MYBPC3: variants seen among roughly 807,000 people sequenced by gnomAD.
The protein encoded by MYBPC3 is myosin-binding protein C, cardiac-type.
A neutral mutation model predicts 159.3 loss-of-function variants in MYBPC3; 108 were observed. The observed-to-expected ratio is 0.68, with a 90% confidence interval of 0.58 to 0.80. The LOEUF (loss-of-function observed/expected upper bound fraction) is 0.80, where lower values mean the gene tolerates loss of function less well. MYBPC3 is among the 30% of genes least tolerant of loss of function. The pLI is 0.00. For missense variants in MYBPC3, 1,631 were observed against 1,762.1 expected (o/e 0.93, Z 1.33); for synonymous variants, 730 against 702.0 (o/e 1.04, Z -0.63).
At position 47,342,910 on chromosome 11, in the gene MYBPC3, G is replaced by A; in HGVS notation, c.1377C>T (p.Pro459=). The change falls in exon 16 of 35, where the codon CCC becomes CCT. Residue 459 remains proline (P), a synonymous_variant. Transcript: ENST00000545968. ...CCACCATCACCAGCTGGTCCTCCAAGGGGCGCGTGATGAGCACAGGGGGCT... is the reference window on the plus strand; with the variant it reads ...CCACCATCACCAGCTGGTCCTCCAAAGGGCGCGTGATGAGCACAGGGGGCT... ...VKEPPVLITR[P]LEDQLVMVGQ... The A allele has an allele frequency of 6.2e-7, 1 of 1,612,478 alleles. No individual in the cohort carries two copies. Among genetic ancestry groups the A allele is most frequent in the Non-Finnish European group, 8.5e-7 (1 of 1,179,212 alleles).
At chr11:47,340,766 C>T (rs986627626) in intron 20 of MYBPC3, among the ~76,000 whole-genome samples, 1 of 152,184 alleles carries the variant, frequency 6.6e-6, no homozygotes, top group African/African-American at 2.4e-5. Context: ...ATCATGTCAC[C>T]TCATCTTTAT....
chr11:47,350,000 C>T lies in MYBPC3; in HGVS notation c.505+14G>A. ...CTTCCCACCCCAATGCTGGGCACAG[C>T]AGCTCACACTCACCCACGGTCACCT... On this transcript the variant is annotated intron_variant, in intron 4 of 34. Coordinates refer to ENST00000545968, the MANE Select transcript of MYBPC3 (RefSeq NM_000256.3). 2 of 1,560,126 alleles carry T rather than the reference C, an allele frequency of 1.3e-6. No homozygotes were observed. The highest frequency in any genetic ancestry group is 1.7e-6 in the Non-Finnish European group (2 of 1,152,210).
Position 47,350,531 on chromosome 11 carries a change from T to C in MYBPC3, c.377A>G (p.Glu126Gly). Residue 126 changes from glutamate (E) to glycine (G), a missense_variant, in exon 3 of 35, where the codon GAG becomes GGG. Coordinates refer to ENST00000545968, the MANE Select transcript of MYBPC3 (RefSeq NM_000256.3). ...GGGACTTGGGGCACTTTCTCCCAGC[T>C]CAGCGGCTGGGGCCGGGGCTTCTCC... is the stretch of plus-strand genomic sequence containing the variant. Reference protein sequence around the residue: ...APGEAPAPAAELGESAPSPKG... With the variant: ...APGEAPAPAAGLGESAPSPKG... The C allele has an allele frequency of 1.3e-6, 2 of 1,557,698 alleles. No individual in the cohort carries two copies. The highest frequency in any genetic ancestry group is 1.7e-6 in the Non-Finnish European group (2 of 1,156,898).
At position 47,349,784 on chromosome 11, in the gene MYBPC3, C is replaced by T. The variant is rs775580020; in HGVS notation, c.644G>A (p.Arg215His). ...QHLQLHDSYD[R>H]ASKVYLFELH... Reference sequence around the variant, plus strand: ...CCCCGGTGGACCCACCTTGCTGGCGCGGTCGTAGCTGTCGTGCAGCTGCAG... The same window carrying T: ...CCCCGGTGGACCCACCTTGCTGGCGTGGTCGTAGCTGTCGTGCAGCTGCAG... The change falls in exon 5 of 35, where the codon CGC becomes CAC. Residue 215 changes from arginine (R) to histidine (H), a missense_variant. Arg to His is a conservative substitution (Grantham distance 29). Transcript: ENST00000545968. 12 of 1,605,696 alleles carry T rather than the reference C, an allele frequency of 7.5e-6. No homozygotes were observed. The highest frequency in any genetic ancestry group is 4.4e-5 in the South Asian group (4 of 90,784).
intron 5 of MYBPC3, among the ~76,000 whole-genome samples, chr11:47,349,490 C>G (rs531479936): frequency 1.3e-5 from 2 of 151,990 alleles, no homozygotes; most frequent in East Asian, 3.9e-4. Flanking sequence ...GACCCCCCAC[C>G]CCCGGCCAAA....
Position 47,339,766 on chromosome 11 carries a change from C to A in MYBPC3, c.1952G>T (p.Cys651Phe), listed in dbSNP as rs1447420679. Residue 651 changes from cysteine to phenylalanine, a missense_variant, in exon 21 of 35, where the codon TGC (cysteine) becomes TTC (phenylalanine). By Grantham distance (205) the Cys-to-Phe change is radical (BLOSUM62 -2). Coordinates refer to ENST00000545968, the MANE Select transcript of MYBPC3 (RefSeq NM_000256.3). ...RQEPPKIHLD[C>F]PGRIPDTIVV... ...AATGGTGTCTGGTATGCGGCCTGGG[C>A]AGTCCAGGTGGATCTTGGGAGGTTC... 1 of 1,613,858 alleles carries A rather than the reference C, an allele frequency of 6.2e-7. No individual in the cohort carries two copies. The highest frequency in any genetic ancestry group is 8.5e-7 in the Non-Finnish European group (1 of 1,179,766).
chr11:47,333,518 A>G (rs1459397372), intron 29 of MYBPC3, 39 bp downstream of exon 29: 7 of 1,597,576 alleles, frequency 4.4e-6, no homozygotes, highest in Non-Finnish European at 5.9e-6. Flanking sequence ...AGCCCAGGGA[A>G]GGGAAACAAG....
rs780085082 is a variant in MYBPC3, at chr11:47,348,450, C to A, written c.746G>T (p.Cys249Phe). ...GTGGACAGTGAGATTGAAGTTGGAG[C>A]AGTCAAATTTGTCCTTGGTGGACAC... ...CEVSTKDKFD[C>F]SNFNLTVHEA... Residue 249 changes from cysteine to phenylalanine, a missense_variant, in exon 6 of 35, where the codon TGC (cysteine) becomes TTC (phenylalanine). Transcript: ENST00000545968. 1 of 1,612,936 alleles carries A rather than the reference C, an allele frequency of 6.2e-7. No individual in the cohort carries two copies. The highest frequency in any genetic ancestry group is 1.7e-5 in the Admixed American group (1 of 59,888).
rs727503216 is a variant in MYBPC3, at chr11:47,349,871, G to A, written c.557C>T (p.Pro186Leu). The A allele has an allele frequency of 5.0e-5, 80 of 1,611,942 alleles. No homozygotes were observed. The highest frequency in any genetic ancestry group is 2.0e-4 in the East Asian group (9 of 44,854). ...ARVAGASLLK[P>L]PVVKWFKGKW... ...GCCCTTGAACCACTTGACCACAGGC[G>A]GCTTCAGGAGGCTGGCGCCGGCCAC... is the stretch of plus-strand genomic sequence containing the variant. Residue 186 changes from proline to leucine, a missense_variant, in exon 5 of 35, where the codon CCG becomes CTG. Physicochemically the swap from Pro to Leu is moderately conservative, Grantham distance 98. Coordinates refer to ENST00000545968, the MANE Select transcript of MYBPC3 (RefSeq NM_000256.3).
chr11:47,346,117 G>T lies in MYBPC3; in HGVS notation c.1090+90C>A. 1 of 1,532,844 alleles carries T rather than the reference G, an allele frequency of 6.5e-7. No individual in the cohort carries two copies. Among genetic ancestry groups the T allele is most frequent in the South Asian group, 1.2e-5 (1 of 81,750 alleles). The allele number at this position is 1,532,844 out of a possible 1,614,324, so 95.0% of individuals were successfully genotyped here. On this transcript the variant is annotated intron_variant, in intron 12 of 34. Transcript: ENST00000545968. The surrounding 1 kb of genome is among the most constrained non-coding windows in gnomAD (Gnocchi z 5.3). Reference sequence around the variant, plus strand: ...TAACCTGTGCCCTCTCCTCTCCCCTGTGGGGAAGGGCTAACCTATGCCCTC... The same window carrying T: ...TAACCTGTGCCCTCTCCTCTCCCCTTTGGGGAAGGGCTAACCTATGCCCTC...
intron 20 of MYBPC3, among the ~76,000 whole-genome samples, chr11:47,340,615 C>T (rs759645617): frequency 7.2e-5 from 11 of 151,938 alleles, no homozygotes; most frequent in African/African-American, 1.2e-4. Flanking sequence ...TGCAGTGAGC[C>T]GAGATCGCGC....
Position 47,337,664 on chromosome 11 carries a change from C to G in MYBPC3, c.2413+26G>C, listed in dbSNP as rs1428875857. On this transcript the variant is annotated intron_variant, in intron 24 of 34. Coordinates refer to ENST00000545968, the MANE Select transcript of MYBPC3 (RefSeq NM_000256.3). The stretch of plus-strand genomic sequence containing the variant: ...CTCGGATCTGTTTGGCGCCCTCACA[C>G]CTCCATCCGGTGCCCTTGCACTCAC... The G allele has an allele frequency of 1.3e-6, 2 of 1,599,288 alleles. 1 individual carries two copies. The highest frequency in any genetic ancestry group is 4.5e-5 in the East Asian group (2 of 44,186).
chr11:47,343,645 C>A lies in MYBPC3; in HGVS notation c.1091-21G>T, dbSNP rs745400742. Reference sequence around the variant, plus strand: ...AAAGGCTGAGCACCACCCCTCAGCCCCGGCCACCCCACCGCCCGCACCCTG... The same window carrying A: ...AAAGGCTGAGCACCACCCCTCAGCCACGGCCACCCCACCGCCCGCACCCTG... On this transcript the variant is annotated intron_variant, in intron 12 of 34. Transcript: ENST00000545968. 7 of 1,592,096 alleles carry A rather than the reference C, an allele frequency of 4.4e-6. No individual in the cohort carries two copies. In the Admixed American group the frequency reaches 1.2e-4, roughly 27 times the overall value.
intron 12 of MYBPC3, among the ~76,000 whole-genome samples, chr11:47,345,973 A>G (rs1162115971): frequency 6.6e-6 from 1 of 151,988 alleles, no homozygotes; most frequent in African/African-American, 2.4e-5. Flanking sequence ...TAAGGGGCTA[A>G]CCTGGGCATT....
At chr11:47,348,385 G>A (rs1595848824) in intron 6 of MYBPC3, 39 bp downstream of exon 6, 1 of 1,470,960 alleles carries the variant, frequency 6.8e-7, no homozygotes, top group Non-Finnish European at 9.4e-7. Context: ...AGGACCCATG[G>A]GGAGCCCGAG....
chr11:47,351,410 G>T lies in MYBPC3; in HGVS notation c.121C>A (p.Arg41Ser), dbSNP rs373638535. Residue 41 changes from arginine to serine, a missense_variant, in exon 2 of 35, where the codon CGC becomes AGC. Coordinates refer to ENST00000545968, the MANE Select transcript of MYBPC3 (RefSeq NM_000256.3). This position sits in a 1 kb window ranked among gnomAD's most constrained non-coding sequence, Gnocchi z 4.2. ...AETERAGVKV[R>S]WQRGGSDISA... ...ATGTCACTGCCTCCGCGCTGCCAGCGCACCTTCACTCCTGCCCGCTCTGTC... is the reference window on the plus strand; with the variant it reads ...ATGTCACTGCCTCCGCGCTGCCAGCTCACCTTCACTCCTGCCCGCTCTGTC... 1 of 1,609,690 alleles carries T rather than the reference G, an allele frequency of 6.2e-7. No individual in the cohort carries two copies. Among genetic ancestry groups the T allele is most frequent in the Non-Finnish European group, 8.5e-7 (1 of 1,178,764 alleles).
chr11:47,352,340 G>A (rs1417796334), intron 1 of MYBPC3, among the ~76,000 whole-genome samples: 1 of 152,128 alleles, frequency 6.6e-6, no homozygotes, highest in Non-Finnish European at 1.5e-5. Context: ...CAGGGAAGGG[G>A]TCCCTTTGCA....
chr11:47,348,844 G>A (rs2095897249), intron 5 of MYBPC3, among the ~76,000 whole-genome samples: 1 of 145,016 alleles, frequency 6.9e-6, no homozygotes, highest in Admixed American at 7.0e-5. Flanking sequence ...GGTGGAGGTT[G>A]CAGTGAGCCG....
At position 47,338,452 on chromosome 11, in the gene MYBPC3, G is replaced by T; in HGVS notation, c.2308+68C>A. 6.2e-7 allele frequency: 1 copy of T among 1,601,268 alleles called. No individual in the cohort carries two copies. Among genetic ancestry groups the T allele is most frequent in the Non-Finnish European group, 8.5e-7 (1 of 1,171,722 alleles). Reference sequence around the variant, plus strand: ...TGATGTTTGTCGAGTGGCTGAATGAGCGAACGGATGGGCCCTCCTTGGGGC... The same window carrying T: ...TGATGTTTGTCGAGTGGCTGAATGATCGAACGGATGGGCCCTCCTTGGGGC... On this transcript the variant is annotated intron_variant, in intron 23 of 34. Coordinates refer to ENST00000545968, the MANE Select transcript of MYBPC3 (RefSeq NM_000256.3). The surrounding 1 kb of genome is among the most constrained non-coding windows in gnomAD (Gnocchi z 4.7).
Sources: gnomAD v4.1 joint callset for allele counts (sites outside exome capture counted in the v4.1 genomes callset) on GRCh38, gnomAD v4.1.1 for gene constraint, Gnocchi (gnomAD v3.1) non-coding constraint, MANE v1.5 for transcripts, NCBI Gene and HGNC (gene_info 2026-07-23, HGNC 2026-07-21) for gene names.